SDK1: variants seen among roughly 807,000 people sequenced by gnomAD.
SDK1 encodes the protein protein sidekick-1.
Under a neutral mutation model 245.5 loss-of-function variants are expected in SDK1, and 157 were observed. That is an observed-to-expected ratio of 0.64 (90% CI 0.56 to 0.73). SDK1 has a LOEUF of 0.73. SDK1 is among the 30% of genes least tolerant of loss of function. The pLI is 0.00. For synonymous variants in SDK1, 1,647 were observed against 1,278.5 expected (o/e 1.29, Z -6.15); for missense variants, 3,583 against 3,002.3 (o/e 1.19, Z -4.52).
intron 1 of SDK1, among the ~76,000 whole-genome samples, chr7:3,571,354 G>C (rs904198816): frequency 6.6e-6 from 1 of 151,890 alleles, no homozygotes; most frequent in African/African-American, 2.4e-5. Context: ...GCACGTGGGG[G>C]TGCAGTGGCA....
chr7:3,981,740 T>G (rs1199069555), intron 13 of SDK1, among the ~76,000 whole-genome samples: 1 of 152,208 alleles, frequency 6.6e-6, no homozygotes, highest in Non-Finnish European at 1.5e-5. Context: ...CTCTTCAGTT[T>G]TGTGAAGACA....
chr7:4,036,882 T>C (rs1788261124), intron 17 of SDK1, among the ~76,000 whole-genome samples: 1 of 152,194 alleles, frequency 6.6e-6, no homozygotes, highest in Admixed American at 6.5e-5. Flanking sequence ...CTACACAGTC[T>C]ATGATATTTT....
chr7:3,464,420 C>G (rs976847970), intron 1 of SDK1, among the ~76,000 whole-genome samples: 2 of 152,078 alleles, frequency 1.3e-5, no homozygotes. Context: ...ACACAGGAGA[C>G]TGAGGTGGGA....
At position 4,051,753 on chromosome 7, in the gene SDK1, T is replaced by G. The variant is rs982291217; in HGVS notation, c.2834T>G (p.Phe945Cys). 1 of 1,614,036 alleles carries G rather than the reference T, an allele frequency of 6.2e-7. No individual in the cohort carries two copies. Among genetic ancestry groups the G allele is most frequent in the East Asian group, 2.2e-5 (1 of 44,862 alleles). Residue 945 changes from phenylalanine (F) to cysteine (C), a missense_variant, in exon 19 of 45, where the codon TTC (phenylalanine) becomes TGC (cysteine). By Grantham distance (205) the Phe-to-Cys change is radical. Coordinates refer to ENST00000404826, the MANE Select transcript of SDK1 (RefSeq NM_152744.4). ...ITNLKKFTAY[F>C]TSVLCFTTPG... Reference sequence around the variant, plus strand: ...AACCTGAAGAAGTTTACCGCCTACTTCACTTCCGTTCTGTGCTTCACCACC... The same window carrying G: ...AACCTGAAGAAGTTTACCGCCTACTGCACTTCCGTTCTGTGCTTCACCACC...
intron 4 of SDK1, among the ~76,000 whole-genome samples, chr7:3,682,519 C>T (rs1009037132): frequency 9.2e-5 from 14 of 152,422 alleles, no homozygotes; most frequent in African/African-American, 3.1e-4. Flanking sequence ...AGGGTCAGAA[C>T]TCACGTGTCT....
chr7:3,852,245 C>T (rs17133934), intron 5 of SDK1, among the ~76,000 whole-genome samples: 1 of 150,758 alleles, frequency 6.6e-6, no homozygotes, highest in South Asian at 2.1e-4. Flanking sequence ...ATAGTTCTGG[C>T]TAATATTCCG....
At chr7:3,655,464 T>C (rs1388586210) in intron 4 of SDK1, among the ~76,000 whole-genome samples, 15 of 17,228 alleles carry the variant, frequency 8.7e-4, no homozygotes, top group Non-Finnish European at 3.1e-3. Context: ...TATATATATA[T>C]ATATATATAT....
chr7:3,644,702 G>T (rs999007184), intron 4 of SDK1, among the ~76,000 whole-genome samples: 2 of 142,906 alleles, frequency 1.4e-5, no homozygotes, highest in Admixed American at 7.3e-5. Flanking sequence ...GAGGCCAGAA[G>T]TTGGAGGTTG....
chr7:3,328,367 A>G (rs564101086), intron 1 of SDK1, among the ~76,000 whole-genome samples: 1 of 152,218 alleles, frequency 6.6e-6, no homozygotes, highest in Non-Finnish European at 1.5e-5. Context: ...AGATATATAT[A>G]TTGAAGTTAC....
At chr7:3,435,563 C>A (rs1339115483) in intron 1 of SDK1, among the ~76,000 whole-genome samples, 1 of 151,608 alleles carries the variant, frequency 6.6e-6, no homozygotes, top group Non-Finnish European at 1.5e-5. Flanking sequence ...CGGGGTTTCA[C>A]CGTGTTGTCC....
rs765414571 is a variant in SDK1, at chr7:3,974,455, G to C, written c.1904G>C (p.Ser635Thr). The C allele has an allele frequency of 6.2e-7, 1 of 1,614,170 alleles. No individual in the cohort carries two copies. The highest frequency in any genetic ancestry group is 1.7e-5 in the Admixed American group (1 of 60,032). ...GAGAAGGACGGGTCCCTTCTCATCA[G>C]CCAGACGTGGTCAGGCGACATCGGT... Reference protein sequence around the residue: ...VVEKDGSLLISQTWSGDIGDY... With the variant: ...VVEKDGSLLITQTWSGDIGDY... The change falls in exon 13 of 45, where the codon AGC becomes ACC. Residue 635 changes from serine to threonine, a missense_variant. Coordinates refer to ENST00000404826, the MANE Select transcript of SDK1 (RefSeq NM_152744.4).
intron 22 of SDK1, among the ~76,000 whole-genome samples, chr7:4,082,466 C>T (rs867263816): frequency 6.8e-6 from 1 of 147,656 alleles, no homozygotes; most frequent in African/African-American, 2.5e-5. Flanking sequence ...ACCTGGGAGG[C>T]GGAGTTTGCA....
intron 4 of SDK1, among the ~76,000 whole-genome samples, chr7:3,672,627 A>AAT: frequency 7.1e-6 from 1 of 141,356 alleles, no homozygotes; most frequent in Non-Finnish European, 1.5e-5. Flanking sequence ...AATATATAAT[A>AAT]ATATATATTA....
chr7:4,219,667 C>T (rs894641177), intron 38 of SDK1, among the ~76,000 whole-genome samples: 1 of 152,134 alleles, frequency 6.6e-6, no homozygotes, highest in South Asian at 2.1e-4. Context: ...CTATCACTCC[C>T]CTCCCTCGTG....
At chr7:3,843,973 C>CTATT (rs1229734950) in intron 5 of SDK1, among the ~76,000 whole-genome samples, 2 of 151,976 alleles carry the variant, frequency 1.3e-5, no homozygotes, top group Non-Finnish European at 2.9e-5. Flanking sequence ...TGCAGAAATC[C>CTATT]TATTTATTTA....
At chr7:4,192,232 C>A (rs1783251296) in intron 35 of SDK1, among the ~76,000 whole-genome samples, 1 of 152,208 alleles carries the variant, frequency 6.6e-6, no homozygotes, top group African/African-American at 2.4e-5. Context: ...CACGTGCTCA[C>A]TTTGCGTCTC....
In SDK1 at chr7:3,775,316, G is replaced by A. The variant is rs531880521; in HGVS notation, c.714-46134G>A. Among the ~76,000 whole-genome samples, 74 of 152,266 alleles carry A rather than the reference G, an allele frequency of 4.9e-4. No individual in the cohort carries two copies. In the South Asian group the frequency reaches 0.015, roughly 32 times the overall value. ...TGTCATTTTGTAAGTCAAAAGCAAT[G>A]GAATAGTGGCAACTGCCTATGGTTC... On this transcript the variant is annotated intron_variant, in intron 4 of 44. Coordinates refer to ENST00000404826, the MANE Select transcript of SDK1 (RefSeq NM_152744.4).
intron 5 of SDK1, among the ~76,000 whole-genome samples, chr7:3,911,027 C>A (rs919367472): frequency 6.6e-6 from 1 of 152,206 alleles, no homozygotes; most frequent in Admixed American, 6.5e-5. Flanking sequence ...TGATGCACAG[C>A]CTTTCCAAGA....
In SDK1 at chr7:3,568,354, C is replaced by T. The variant is rs111285192; in HGVS notation, c.299-50726C>T. ...AAATAATGTTGTTCTTCTCAGTGTT[C>T]CCACTGCTCTTTTTCCCTCTATTAC... is the stretch of plus-strand genomic sequence containing the variant. On this transcript the variant is annotated intron_variant, in intron 1 of 44. Transcript: ENST00000404826. Among the ~76,000 whole-genome samples the T allele has an allele frequency of 3.5e-4, 53 of 152,242 alleles. 1 individual carries two copies. Among genetic ancestry groups the T allele is most frequent in the African/African-American group, 8.9e-4 (37 of 41,536 alleles).
Sources: gnomAD v4.1 joint callset for allele counts (sites outside exome capture counted in the v4.1 genomes callset) on GRCh38, gnomAD v4.1.1 for gene constraint, MANE v1.5 for transcripts, NCBI Gene and HGNC (gene_info 2026-07-23, HGNC 2026-07-21) for gene names.